The following APBA2 variants were observed in gnomAD, a reference collection of about 807,000 sequenced individuals.
APBA2 encodes the protein amyloid beta precursor protein binding family A member 2.
Under a neutral mutation model 75.0 loss-of-function variants are expected in APBA2, and 30 were observed. The ratio of observed to expected loss-of-function variants is 0.40; its 90% CI spans 0.30 to 0.54. The LOEUF (loss-of-function observed/expected upper bound fraction) is 0.54. Ranked by LOEUF, APBA2 falls within the 20% of genes least tolerant of loss-of-function variation. APBA2 has a pLI of 0.49. For missense variants in APBA2, 801 were observed against 1,016.1 expected, an observed-to-expected ratio of 0.79 and a Z score of 2.88; for synonymous variants, 444 against 409.6, an observed-to-expected ratio of 1.08 and a Z score of -1.01.
At chr15:29,012,317 G>A (rs1443417113) in intron 3 of APBA2, among the ~76,000 whole-genome samples, 1 of 152,180 alleles carries the variant, frequency 6.6e-6, no homozygotes, top group East Asian at 1.9e-4. Flanking sequence ...TTGAAGAGTA[G>A]TGGTCAGGTA....
chr15:29,038,665 A>ATTTTT (rs67217686), intron 3 of APBA2, among the ~76,000 whole-genome samples: 6 of 105,458 alleles, frequency 5.7e-5, no homozygotes, highest in South Asian at 3.5e-4. Context: ...ATATGCAGGC[A>ATTTTT]TTTTTTTTTT....
intron 4 of APBA2, among the ~76,000 whole-genome samples, chr15:29,066,729 CAATAA>C (rs940729689): frequency 1.3e-5 from 2 of 151,942 alleles, no homozygotes; most frequent in African/African-American, 2.4e-5. Context: ...ATACTTACCA[CAATAA>C]AATAAATAAA....
chr15:28,896,838 G>A (rs2032522826), intron 1 of APBA2, among the ~76,000 whole-genome samples: 1 of 152,170 alleles, frequency 6.6e-6, no homozygotes, highest in Non-Finnish European at 1.5e-5. Context: ...TTAGTTTCAA[G>A]GAAGTAACTG....
chr15:28,995,346 A>AC (rs959441382), intron 2 of APBA2, among the ~76,000 whole-genome samples: 1 of 151,582 alleles, frequency 6.6e-6, no homozygotes, highest in African/African-American at 2.4e-5. Context: ...CTCCCCGCCC[A>AC]CCCCCATATG....
At chr15:29,103,102 G>A (rs145612572) in intron 10 of APBA2, among the ~76,000 whole-genome samples, 6 of 152,360 alleles carry the variant, frequency 3.9e-5, no homozygotes, top group African/African-American at 1.4e-4. Flanking sequence ...CCGAGGATGT[G>A]TGAGAGACCT....
chr15:28,894,142 T>TCCC (rs2032314769), intron 1 of APBA2: 1 of 152,242 alleles, frequency 6.6e-6, no homozygotes, highest in Non-Finnish European at 1.5e-5. Flanking sequence ...TCACCTTGCC[T>TCCC]GTCATTCACC....
chr15:28,988,657 T>A lies in APBA2; in HGVS notation c.-94-7096T>A, dbSNP rs1049908553. ...ATGCATTTTCACTGCTGTGTGGTAT[T>A]GCATTGTACAAACATAAGACTATTT... On this transcript the variant is annotated intron_variant, in intron 2 of 14. Coordinates refer to ENST00000683413, the MANE Select transcript of APBA2 (RefSeq NM_001353788.2). Among the ~76,000 whole-genome samples the A allele has an allele frequency of 3.9e-5, 6 of 152,248 alleles. No homozygotes were observed. In the East Asian group the frequency reaches 1.2e-3, roughly 29 times the overall value.
chr15:29,031,640 T>A (rs891846041), intron 3 of APBA2, among the ~76,000 whole-genome samples: 4 of 152,196 alleles, frequency 2.6e-5, no homozygotes, highest in Non-Finnish European at 5.9e-5. Flanking sequence ...ACTTTTAGGA[T>A]CCTGCTGATT....
chr15:28,936,975 T>G (rs2034912768), intron 2 of APBA2, among the ~76,000 whole-genome samples: 2 of 152,154 alleles, frequency 1.3e-5, no homozygotes. Flanking sequence ...GAAATGGGCA[T>G]AATAGAAATG....
intron 1 of APBA2, chr15:28,919,594 A>T (rs2033862372): frequency 6.6e-6 from 1 of 152,426 alleles, no homozygotes; most frequent in Admixed American, 6.5e-5. Flanking sequence ...TTCCCAGAGG[A>T]GGCAGAGGTC....
chr15:29,093,413 G>A (rs1028791627), intron 7 of APBA2, among the ~76,000 whole-genome samples, 193 bp downstream of exon 7: 11 of 152,342 alleles, frequency 7.2e-5, no homozygotes, highest in African/African-American at 2.2e-4. Flanking sequence ...TGGCTGGGCA[G>A]AGGCAACCAG....
intron 2 of APBA2, among the ~76,000 whole-genome samples, chr15:28,937,661 C>CT (rs1351448498): frequency 1.3e-5 from 2 of 150,260 alleles, no homozygotes; most frequent in African/African-American, 4.9e-5. Context: ...TTTTTTTTTT[C>CT]TTTTTTTTCT....
intron 12 of APBA2, 26 bp downstream of exon 12, chr15:29,106,845 A>G (rs1182513982): frequency 1.2e-6 from 2 of 1,604,342 alleles, no homozygotes; most frequent in Non-Finnish European, 1.7e-6. Flanking sequence ...TCCTCCGCCC[A>G]GGGGTCACCT....
At chr15:29,075,422 GT>G (rs1422637200) in intron 5 of APBA2, among the ~76,000 whole-genome samples, 2 of 152,240 alleles carry the variant, frequency 1.3e-5, no homozygotes, top group Non-Finnish European at 1.5e-5. Context: ...GTGTATTGTA[GT>G]TGAGCAGCAT....
chr15:28,919,818 G>A (rs2033876414), intron 1 of APBA2, among the ~76,000 whole-genome samples: 1 of 152,198 alleles, frequency 6.6e-6, no homozygotes, highest in African/African-American at 2.4e-5. Flanking sequence ...CCCCTCCTCA[G>A]TCCGAAACAT....
chr15:29,017,105 C>G (rs2039700914), intron 3 of APBA2, among the ~76,000 whole-genome samples: 1 of 152,044 alleles, frequency 6.6e-6, no homozygotes, highest in African/African-American at 2.4e-5. Context: ...AGAGTGGTAC[C>G]TGCCTGCTTG....
chr15:28,950,522 G>A (rs1208441974), intron 2 of APBA2, among the ~76,000 whole-genome samples: 2 of 151,968 alleles, frequency 1.3e-5, no homozygotes, highest in African/African-American at 4.8e-5. Context: ...AGCTACTTGG[G>A]AGACTGAGGC....
intron 6 of APBA2, among the ~76,000 whole-genome samples, chr15:29,092,851 G>A (rs1043027195): frequency 2.6e-5 from 4 of 152,232 alleles, no homozygotes; most frequent in African/African-American, 9.6e-5. Flanking sequence ...TGTTTGTGCA[G>A]AGTTTTCTGG....
chr15:29,054,141 A>G lies in APBA2; in HGVS notation c.257A>G (p.Tyr86Cys). The G allele has an allele frequency of 1.2e-6, 2 of 1,614,162 alleles. No homozygotes were observed. The highest frequency in any genetic ancestry group is 1.3e-5 in the African/African-American group (1 of 75,052). ...YVNNTSEEED[Y>C]DEGLPEEEEG... Reference sequence around the variant, plus strand: ...AACAACACCTCTGAGGAGGAGGACTATGACGAGGGCCTCCCTGAGGAGGAG... The same window carrying G: ...AACAACACCTCTGAGGAGGAGGACTGTGACGAGGGCCTCCCTGAGGAGGAG... Residue 86 changes from tyrosine (Y) to cysteine (C), a missense_variant, in exon 4 of 15, where the codon TAT becomes TGT. Coordinates refer to ENST00000683413, the MANE Select transcript of APBA2 (RefSeq NM_001353788.2). The surrounding 1 kb of genome is among the most constrained non-coding windows in gnomAD (Gnocchi z 6.1).
Sources: gnomAD v4.1 joint callset for allele counts (sites outside exome capture counted in the v4.1 genomes callset) on GRCh38, gnomAD v4.1.1 for gene constraint, Gnocchi (gnomAD v3.1) non-coding constraint, MANE v1.5 for transcripts, NCBI Gene and HGNC (gene_info 2026-07-23, HGNC 2026-07-21) for gene names.